CSMD3: variants seen among roughly 807,000 people sequenced by gnomAD.
CSMD3 encodes the protein CUB and Sushi multiple domains 3, also known as CUB and sushi domain-containing protein 3.
A neutral mutation model predicts 435.2 loss-of-function variants in CSMD3; 177 were observed. The ratio of observed to expected loss-of-function variants is 0.41; its 90% CI spans 0.36 to 0.46. CSMD3 has a LOEUF of 0.46. CSMD3 is among the 20% of genes least tolerant of loss of function. The pLI is 0.34. For missense variants in CSMD3, 4,265 were observed against 4,504.6 expected (o/e 0.95, Z 1.52); for synonymous variants, 1,656 against 1,520.5 (o/e 1.09, Z -2.07).
chr8:113,338,188 A>C (rs1588548226), intron 1 of CSMD3, among the ~76,000 whole-genome samples: 1 of 152,122 alleles, frequency 6.6e-6, no homozygotes, highest in East Asian at 1.9e-4. Context: ...GCTTAAAAAT[A>C]ACTCAGGAAA....
chr8:112,546,774 G>A (rs543783614), intron 27 of CSMD3, among the ~76,000 whole-genome samples: 72 of 152,316 alleles, frequency 4.7e-4, no homozygotes, highest in African/African-American at 1.6e-3. Flanking sequence ...AAGTAGCTCT[G>A]ATTAAGCAAA....
At chr8:113,336,743 A>G (rs1443641854) in intron 1 of CSMD3, among the ~76,000 whole-genome samples, 1 of 152,110 alleles carries the variant, frequency 6.6e-6, no homozygotes, top group East Asian at 1.9e-4. Context: ...CCACCCCAGC[A>G]GGAAGCAGAA....
intron 45 of CSMD3, 45 bp from the exon 46 acceptor site, chr8:112,320,026 A>T: frequency 8.2e-7 from 1 of 1,225,620 alleles, no homozygotes; most frequent in Non-Finnish European, 1.2e-6. Flanking sequence ...GTGCAGCTAC[A>T]TGTATTCACA....
At chr8:113,114,066 G>C (rs755168905) in intron 4 of CSMD3, among the ~76,000 whole-genome samples, 13 of 152,080 alleles carry the variant, frequency 8.5e-5, no homozygotes, top group Non-Finnish European at 1.6e-4. Flanking sequence ...TTAATTGGTA[G>C]AGAAACAGGA....
At chr8:112,827,059 C>T (rs1473902776) in intron 12 of CSMD3, among the ~76,000 whole-genome samples, 1 of 149,932 alleles carries the variant, frequency 6.7e-6, no homozygotes, top group South Asian at 2.1e-4. Context: ...ACAGACCACT[C>T]CTCAATCCCA....
intron 32 of CSMD3, among the ~76,000 whole-genome samples, chr8:112,431,855 C>G (rs533343649): frequency 1.3e-5 from 2 of 152,190 alleles, no homozygotes; most frequent in South Asian, 4.1e-4. Flanking sequence ...AGACAATAGA[C>G]AAAGCTTAGT....
chr8:113,263,628 T>C (rs1293044606), intron 3 of CSMD3, among the ~76,000 whole-genome samples: 4 of 151,986 alleles, frequency 2.6e-5, no homozygotes, highest in Admixed American at 6.6e-5. Context: ...TTTTTTCTGG[T>C]GTTCTATTAA....
At chr8:113,112,557 C>T (rs1377242843) in intron 4 of CSMD3, among the ~76,000 whole-genome samples, 1 of 150,470 alleles carries the variant, frequency 6.6e-6, no homozygotes, top group African/African-American at 2.5e-5. Flanking sequence ...ACTCCAGTTG[C>T]AATTGTCCTG....
intron 7 of CSMD3, among the ~76,000 whole-genome samples, chr8:112,962,376 T>C (rs1180891120): frequency 1.3e-5 from 2 of 151,942 alleles, no homozygotes; most frequent in Non-Finnish European, 2.9e-5. Flanking sequence ...AAATCACTTA[T>C]GTATATTATA....
chr8:112,276,643 T>C (rs1034984451), intron 59 of CSMD3, among the ~76,000 whole-genome samples: 1 of 151,806 alleles, frequency 6.6e-6, no homozygotes. Flanking sequence ...ACTCTAGCCA[T>C]GGCTAAAGGG....
intron 30 of CSMD3, among the ~76,000 whole-genome samples, chr8:112,494,482 G>GTTTCTTTCTCTCCTTTCTTTC (rs1563614956): frequency 1.4e-5 from 1 of 71,588 alleles, no homozygotes; most frequent in Non-Finnish European, 3.7e-5. Context: ...CTTTTCTTTT[G>GTTTCTTTCTCTCCTTTCTTTC]TTTCTTTCTC....
rs781116854 is a variant in CSMD3 at position 113,173,924 on chromosome 8, A to G, written c.515-8T>C. The G allele has an allele frequency of 3.8e-6, 6 of 1,591,566 alleles. No individual in the cohort carries two copies. The African/African-American group carries it at 6.7e-5, about 18-fold the overall frequency. On this transcript the variant is annotated splice_region_variant and splice_polypyrimidine_tract_variant and intron_variant, in intron 3 of 70. Transcript: ENST00000297405. Reference sequence around the variant, plus strand: ...AAGAGCTACTCTGCAATTCTATTAAAAAGGAGGAAAAGGAGAGTTTACAGT... The same window carrying G: ...AAGAGCTACTCTGCAATTCTATTAAGAAGGAGGAAAAGGAGAGTTTACAGT...
At chr8:113,163,712 A>T (rs980131812) in intron 4 of CSMD3, among the ~76,000 whole-genome samples, 2 of 152,136 alleles carry the variant, frequency 1.3e-5, no homozygotes, top group East Asian at 1.9e-4. Flanking sequence ...AATATATAAA[A>T]ATTGGGTCAG....
chr8:112,757,341 C>T (rs982112511), intron 13 of CSMD3, among the ~76,000 whole-genome samples: 8 of 151,680 alleles, frequency 5.3e-5, no homozygotes, highest in Admixed American at 1.3e-4. Context: ...ACTTCAAGTG[C>T]AAATAATTAT....
chr8:112,970,031 C>A (rs896308848), intron 7 of CSMD3, among the ~76,000 whole-genome samples: 5 of 152,130 alleles, frequency 3.3e-5, no homozygotes, highest in African/African-American at 1.2e-4. Context: ...ACTATCAATA[C>A]TAGTCTAAGA....
chr8:113,091,647 G>A (rs1239243767), intron 5 of CSMD3, among the ~76,000 whole-genome samples: 2 of 151,640 alleles, frequency 1.3e-5, no homozygotes, highest in Non-Finnish European at 2.9e-5. Context: ...TTACTTATGT[G>A]TATCTGCTCT....
intron 1 of CSMD3, among the ~76,000 whole-genome samples, chr8:113,382,246 G>T (rs1156637408): frequency 6.6e-6 from 1 of 152,122 alleles, no homozygotes; most frequent in Admixed American, 6.5e-5. Context: ...TTAAGACAAT[G>T]TTAATTTCAC....
chr8:113,213,347 T>C (rs1019173633), intron 3 of CSMD3, among the ~76,000 whole-genome samples: 2 of 152,142 alleles, frequency 1.3e-5, no homozygotes, highest in African/African-American at 4.8e-5. Flanking sequence ...GTGTAATTTG[T>C]ACCTTTACTG....
At chr8:113,197,826 A>C (rs1410061653) in intron 3 of CSMD3, among the ~76,000 whole-genome samples, 1 of 151,262 alleles carries the variant, frequency 6.6e-6, no homozygotes, top group Non-Finnish European at 1.5e-5. Flanking sequence ...ATATTCAACA[A>C]TGTCTTTAAT....
Sources: allele counts gnomAD v4.1 joint callset (sites outside exome capture counted in the v4.1 genomes callset), GRCh38; gene constraint gnomAD v4.1.1; transcripts MANE v1.5; gene names NCBI Gene and HGNC (gene_info 2026-07-23, HGNC 2026-07-21).